The following FAM227B variants were observed in gnomAD, a reference collection of about 807,000 sequenced individuals.
The protein encoded by FAM227B is protein FAM227B.
Under a neutral mutation model 73.8 loss-of-function variants are expected in FAM227B, and 88 were observed. The ratio of observed to expected loss-of-function variants is 1.19; its 90% CI spans 1.00 to 1.42. The LOEUF (loss-of-function observed/expected upper bound fraction) is 1.42. FAM227B is among the 40% of genes most tolerant of loss of function. FAM227B has a pLI of 0.00. For missense variants in FAM227B, 632 were observed against 590.9 expected (o/e 1.07, Z -0.72); for synonymous variants, 210 against 190.5 (o/e 1.10, Z -0.84).
intron 11 of FAM227B, among the ~76,000 whole-genome samples, chr15:49,502,918 T>G (rs1273487749): frequency 1.3e-5 from 2 of 152,164 alleles, no homozygotes; most frequent in African/African-American, 4.8e-5. Flanking sequence ...CACTCTGAGT[T>G]AACACAAAAT....
Position 49,338,930 on chromosome 15 carries a change from A to G in FAM227B, c.1272-3434T>C, listed in dbSNP as rs563222272. Among the ~76,000 whole-genome samples, 107 of 152,230 alleles carry G rather than the reference A, an allele frequency of 7.0e-4. 1 individual carries two copies. Among genetic ancestry groups the G allele is most frequent in the Non-Finnish European group, 1.2e-3 (83 of 68,018 alleles). ...CCGCTTGATCAATTCAGCTATTGAT[A>G]CTTGTGTATGCTTCACGAAGTTCTC... On this transcript the variant is annotated intron_variant, in intron 13 of 15. Coordinates refer to ENST00000299338, the MANE Select transcript of FAM227B (RefSeq NM_152647.3).
chr15:49,532,038 C>A (rs1725761744), intron 10 of FAM227B, among the ~76,000 whole-genome samples: 1 of 148,348 alleles, frequency 6.7e-6, no homozygotes. Flanking sequence ...TATTATATAG[C>A]TATTTAAGGG....
intron 9 of FAM227B, among the ~76,000 whole-genome samples, chr15:49,551,301 A>T (rs932491079): frequency 2.0e-5 from 3 of 152,002 alleles, no homozygotes; most frequent in African/African-American, 7.2e-5. Flanking sequence ...ACGCATATGT[A>T]TTTTTAAATT....
At chr15:49,589,134 A>T (rs1567649180) in intron 4 of FAM227B, among the ~76,000 whole-genome samples, 1 of 151,604 alleles carries the variant, frequency 6.6e-6, no homozygotes, top group East Asian at 1.9e-4. Flanking sequence ...AAAAATTATC[A>T]TTACTTGCTG....
chr15:49,389,893 C>A (rs1310627862), intron 11 of FAM227B, among the ~76,000 whole-genome samples: 1 of 151,962 alleles, frequency 6.6e-6, no homozygotes, highest in African/African-American at 2.4e-5. Context: ...TGTCTTTATG[C>A]CCTTGGTCAA....
rs1430658474 is a variant in FAM227B at position 49,476,229 on chromosome 15, TTGG to T, written c.1012+31979_1012+31981del. Among the ~76,000 whole-genome samples, 15 of 109,388 alleles carry T rather than the reference TTGG, an allele frequency of 1.4e-4. 3 individuals carry two copies. Among genetic ancestry groups the T allele is most frequent in the East Asian group, 3.5e-4 (1 of 2,878 alleles). The allele number at this position is 109,388 out of a possible 152,430, so 71.8% of individuals were successfully genotyped here. ...ATTTTGCTGTTTTGTTTTTTTGTTT[TTGG>T]TTTTTTTTTTTTTGCATTTGGCATA... On this transcript the variant is annotated intron_variant, in intron 11 of 15. Transcript: ENST00000299338.
At chr15:49,370,321 C>T (rs1200180409) in intron 12 of FAM227B, among the ~76,000 whole-genome samples, 1 of 152,216 alleles carries the variant, frequency 6.6e-6, no homozygotes, top group African/African-American at 2.4e-5. Flanking sequence ...CATGTGTTAG[C>T]TACTAAACAA....
chr15:49,517,176 C>A (rs1032776680), intron 10 of FAM227B, among the ~76,000 whole-genome samples: 1 of 152,110 alleles, frequency 6.6e-6, no homozygotes, highest in African/African-American at 2.4e-5. Context: ...CTCTTGTGAT[C>A]CTTTTTTTCT....
At chr15:49,544,689 A>G (rs140949487) in intron 9 of FAM227B, among the ~76,000 whole-genome samples, 43 of 152,182 alleles carry the variant, frequency 2.8e-4, no homozygotes, top group African/African-American at 8.9e-4. Flanking sequence ...CTCTTTGCCA[A>G]TTTTGCTGAG....
At chr15:49,582,371 C>A (rs148494371) in intron 5 of FAM227B, among the ~76,000 whole-genome samples, 2 of 151,988 alleles carry the variant, frequency 1.3e-5, no homozygotes, top group African/African-American at 4.8e-5. Context: ...CAACAAAAAT[C>A]AAAAAAGACA....
intron 10 of FAM227B, among the ~76,000 whole-genome samples, chr15:49,533,481 T>C (rs1197984072): frequency 6.6e-6 from 1 of 151,912 alleles, no homozygotes; most frequent in Admixed American, 6.6e-5. Context: ...TATAGTCTCC[T>C]ATTATTATTG....
In FAM227B at chr15:49,341,229, A is replaced by AT. The variant is rs532528976; in HGVS notation, c.1272-5734dup. Among the ~76,000 whole-genome samples, 671 of 151,736 alleles carry AT rather than the reference A, an allele frequency of 4.4e-3. 2 individuals carry two copies. The highest frequency in any genetic ancestry group is 6.3e-3 in the Non-Finnish European group (427 of 67,884). ...TTCAGCTTTGTTCTTTTTGCTTAGG[A>AT]TTTTTTTTGGCTATTTGGGCTGTTT... On this transcript the variant is annotated intron_variant, in intron 13 of 15. Transcript: ENST00000299338.
chr15:49,481,311 T>C (rs1312925738), intron 11 of FAM227B, among the ~76,000 whole-genome samples: 1 of 152,234 alleles, frequency 6.6e-6, no homozygotes, highest in Non-Finnish European at 1.5e-5. Context: ...GTATTGCAAA[T>C]ATGTTGAATC....
chr15:49,534,002 T>C (rs1041706977), intron 10 of FAM227B, among the ~76,000 whole-genome samples: 5 of 151,924 alleles, frequency 3.3e-5, no homozygotes, highest in African/African-American at 1.2e-4. Flanking sequence ...GGCTGTGTAA[T>C]TTGCTTCCTT....
intron 3 of FAM227B, among the ~76,000 whole-genome samples, chr15:49,590,430 G>C (rs917095017): frequency 6.6e-6 from 1 of 152,150 alleles, no homozygotes; most frequent in Non-Finnish European, 1.5e-5. Context: ...TTAAGTTTTG[G>C]CTTCATGTCT....
intron 11 of FAM227B, among the ~76,000 whole-genome samples, chr15:49,454,158 G>C (rs924207829): frequency 6.6e-6 from 1 of 152,114 alleles, no homozygotes; most frequent in Non-Finnish European, 1.5e-5. Context: ...GAAATACAGA[G>C]TGAATGATTT....
chr15:49,566,760 T>C (rs370552191), intron 9 of FAM227B, among the ~76,000 whole-genome samples: 14 of 152,326 alleles, frequency 9.2e-5, no homozygotes, highest in Admixed American at 8.5e-4. Flanking sequence ...AGGAGTCTAA[T>C]CATTAAGTAC....
At chr15:49,335,305 C>T (rs2039514956) in intron 14 of FAM227B, 114 bp downstream of exon 14, 1 of 662,574 alleles carries the variant, frequency 1.5e-6, no homozygotes, top group African/African-American at 1.8e-5. Context: ...CTATAAGATG[C>T]TCAGACATGA....
intron 3 of FAM227B, among the ~76,000 whole-genome samples, chr15:49,608,882 A>T (rs1372876846): frequency 1.3e-5 from 2 of 152,020 alleles, no homozygotes; most frequent in Non-Finnish European, 2.9e-5. Context: ...TGAAAAATCA[A>T]AAGTATAATA....
Sources: gnomAD v4.1 joint callset for allele counts (sites outside exome capture counted in the v4.1 genomes callset) on GRCh38, gnomAD v4.1.1 for gene constraint, MANE v1.5 for transcripts, NCBI Gene and HGNC (gene_info 2026-07-23, HGNC 2026-07-21) for gene names.